MAOA: variants seen among roughly 807,000 people sequenced by gnomAD.
MAOA encodes the protein monoamine oxidase A, also known as amine oxidase [flavin-containing] A.
In MAOA, 6 loss-of-function variants were observed where a neutral mutation model predicts 42.0. That is an observed-to-expected ratio of 0.14 (90% CI 0.08 to 0.28). MAOA has a LOEUF of 0.28. Among genes scored for constraint, MAOA ranks in the 10% least tolerant of loss-of-function variants. MAOA has a pLI of 1.00. For synonymous variants in MAOA, 140 were observed against 154.0 expected (o/e 0.91, Z 0.67); for missense variants, 262 against 422.3 (o/e 0.62, Z 3.33).
intron 1 of MAOA, among the ~76,000 whole-genome samples, chrX:43,667,120 C>T (rs986813497): frequency 9.1e-6 from 1 of 109,939 alleles, no homozygotes; most frequent in African/African-American, 3.3e-5. Context: ...GCACATGTAC[C>T]CTAGAACTTA....
In MAOA at chrX:43,728,766, G is replaced by A. The variant is rs183403767; in HGVS notation, c.645+452G>A. Among the ~76,000 whole-genome samples, 33 of 112,372 alleles carry A rather than the reference G, an allele frequency of 2.9e-4. No individual in the cohort carries two copies. The East Asian group carries it at 3.4e-3, about 11-fold the overall frequency. ...GTGACTGTTCTTCCTTCTAATTCAC[G>A]CAAGTGATTATGGCCACTCTTGCAA... On this transcript the variant is annotated intron_variant, in intron 6 of 14. Transcript: ENST00000338702.
intron 1 of MAOA, among the ~76,000 whole-genome samples, chrX:43,677,586 T>A (rs1213831317): frequency 9.0e-6 from 1 of 111,513 alleles, no homozygotes; most frequent in African/African-American, 3.3e-5. Context: ...GAGAGAGAAA[T>A]TAGGAGAGGA....
In MAOA at chrX:43,739,951, A is replaced by G. The variant is rs550535052; in HGVS notation, c.1107-730A>G. ...TGAGTTTAAAATGTATTTCGTTTCA[A>G]AAAGAGTTTATATAAGTACAACCAC... is the stretch of plus-strand genomic sequence containing the variant. On this transcript the variant is annotated intron_variant, in intron 10 of 14. Transcript: ENST00000338702. Among the ~76,000 whole-genome samples the G allele has an allele frequency of 2.2e-4, 25 of 112,502 alleles. No homozygotes were observed. The South Asian group carries it at 4.0e-3, about 18-fold the overall frequency.
chrX:43,723,225 G>A (rs1162578707), intron 5 of MAOA, among the ~76,000 whole-genome samples: 1 of 111,550 alleles, frequency 9.0e-6, no homozygotes, highest in African/African-American at 3.3e-5. Flanking sequence ...ATTCTGTGAA[G>A]AAAGTCAGTG....
At chrX:43,666,715 C>T (rs1421958208) in intron 1 of MAOA, among the ~76,000 whole-genome samples, 1 of 111,018 alleles carries the variant, frequency 9.0e-6, no homozygotes, top group Non-Finnish European at 1.9e-5. Flanking sequence ...CATACTTAGA[C>T]CAAAACCTAG....
chrX:43,658,531 A>G (rs2033205966), intron 1 of MAOA, among the ~76,000 whole-genome samples: 2 of 112,009 alleles, frequency 1.8e-5, no homozygotes, highest in Non-Finnish European at 3.8e-5. Context: ...CAAGTTATAT[A>G]TAAGTTGTAG....
At chrX:43,674,275 CTT>C (rs1174813554) in intron 1 of MAOA, among the ~76,000 whole-genome samples, 1 of 106,369 alleles carries the variant, frequency 9.4e-6, no homozygotes, top group East Asian at 2.9e-4. Context: ...CAACCCCTGC[CTT>C]TTTTTGTTTT....
intron 2 of MAOA, among the ~76,000 whole-genome samples, chrX:43,692,611 T>A (rs1445821253): frequency 9.2e-6 from 1 of 108,735 alleles, no homozygotes; most frequent in African/African-American, 3.4e-5. Flanking sequence ...AGACCCTTTA[T>A]TTATTAAAAA....
chrX:43,730,194 CAAAAA>C (rs1219771036), intron 6 of MAOA, among the ~76,000 whole-genome samples: 2 of 38,124 alleles, frequency 5.2e-5, no homozygotes, highest in Non-Finnish European at 4.9e-5. Flanking sequence ...AACTCCGTCT[CAAAAA>C]AAAAAAAAAA....
intron 10 of MAOA, among the ~76,000 whole-genome samples, chrX:43,739,066 C>T (rs752028481): frequency 9.0e-6 from 1 of 111,364 alleles, no homozygotes; most frequent in South Asian, 3.9e-4. Flanking sequence ...GGGTAATAGC[C>T]TTACCCTGCT....
intron 5 of MAOA, among the ~76,000 whole-genome samples, chrX:43,714,381 A>G (rs918089248): frequency 3.6e-5 from 4 of 110,692 alleles, no homozygotes; most frequent in Admixed American, 2.9e-4. Context: ...GGAGAAAAGT[A>G]TAGTGGATGG....
chrX:43,723,965 T>C (rs1029410259), intron 5 of MAOA, among the ~76,000 whole-genome samples: 1 of 111,703 alleles, frequency 9.0e-6, no homozygotes, highest in African/African-American at 3.3e-5. Context: ...TGGTTCTGTT[T>C]ATGTGACGGA....
intron 6 of MAOA, among the ~76,000 whole-genome samples, chrX:43,729,143 C>T (rs753691742): frequency 2.7e-5 from 3 of 112,285 alleles, no homozygotes; most frequent in Non-Finnish European, 1.9e-5. Flanking sequence ...AGGAGATCAC[C>T]GGAAATCCCC....
At chrX:43,709,844 C>T (rs931303050) in intron 3 of MAOA, among the ~76,000 whole-genome samples, 3 of 111,991 alleles carry the variant, frequency 2.7e-5, no homozygotes, top group Admixed American at 9.5e-5. Flanking sequence ...TCTTCCACCC[C>T]TGAAGCTTCT....
intron 1 of MAOA, among the ~76,000 whole-genome samples, chrX:43,673,493 G>A (rs1433206386): frequency 1.9e-5 from 2 of 107,656 alleles, no homozygotes; most frequent in African/African-American, 3.4e-5. Context: ...GCTAGCTTTT[G>A]AATGTGTTTG....
chrX:43,709,018 G>A (rs1479114563), intron 3 of MAOA, among the ~76,000 whole-genome samples: 2 of 109,956 alleles, frequency 1.8e-5, no homozygotes, highest in Admixed American at 9.7e-5. Context: ...CCATCACCAC[G>A]CCCTGCTAAT....
chrX:43,742,062 C>T lies in MAOA; in HGVS notation c.1262+15C>T. 1 of 1,211,143 alleles carries T rather than the reference C, an allele frequency of 8.3e-7. No individual in the cohort carries two copies. The highest frequency in any genetic ancestry group is 1.1e-6 in the Non-Finnish European group (1 of 895,329). ...CAATATGGAAGGTATTACGCAAGCA[C>T]TACGCCAATTAATCCAAGACCTGTG... On this transcript the variant is annotated intron_variant, in intron 12 of 14. Transcript: ENST00000338702.
At chrX:43,658,094 C>G in intron 1 of MAOA, 2 of 155,863 alleles carry the variant, frequency 1.3e-5, no homozygotes, top group Non-Finnish European at 2.2e-5. Context: ...TCTGGTCCCA[C>G]TAGGCAAGCC....
chrX:43,744,775 A>G lies in MAOA; in HGVS notation c.*262A>G, dbSNP rs2033987042. ...TAAAGCCTTGTGATCACTTTCTGAA[A>G]TTCACAAAGTTAAACGTGATGTGCT... On this transcript the variant is annotated 3_prime_UTR_variant, in exon 15 of 15. Coordinates refer to ENST00000338702, the MANE Select transcript of MAOA (RefSeq NM_000240.4). The G allele has an allele frequency of 5.1e-6, 2 of 392,083 alleles. No individual in the cohort carries two copies. Among genetic ancestry groups the G allele is most frequent in the Non-Finnish European group, 8.9e-6 (2 of 223,906 alleles). The allele number at this position is 392,083 out of a possible 1,213,427, so 32.3% of individuals were successfully genotyped here. A position where few individuals can be genotyped will look rare whatever the true frequency, so the allele number is the denominator to read the frequency against.
Sources: allele counts gnomAD v4.1 joint callset (sites outside exome capture counted in the v4.1 genomes callset), GRCh38; gene constraint gnomAD v4.1.1; transcripts MANE v1.5; gene names NCBI Gene and HGNC (gene_info 2026-07-23, HGNC 2026-07-21).